CSNK1G3: variants seen among roughly 807,000 people sequenced by gnomAD.
The protein encoded by CSNK1G3 is casein kinase 1 gamma 3.
Under a neutral mutation model 64.3 loss-of-function variants are expected in CSNK1G3, and 23 were observed. The ratio of observed to expected loss-of-function variants is 0.36; its 90% CI spans 0.26 to 0.51. CSNK1G3 has a LOEUF of 0.51. CSNK1G3 is among the 20% of genes least tolerant of loss of function. The pLI is 0.96. For missense variants in CSNK1G3, 357 were observed against 510.5 expected (o/e 0.70, Z 2.90); for synonymous variants, 158 against 162.2 (o/e 0.97, Z 0.20).
chr5:123,559,371 G>C (rs748294553), intron 4 of CSNK1G3, among the ~76,000 whole-genome samples: 4 of 152,142 alleles, frequency 2.6e-5, no homozygotes, highest in Non-Finnish European at 1.5e-5. Flanking sequence ...TCATTGAATT[G>C]AGTAACAAAG....
At chr5:123,592,689 A>C (rs1792611433) in intron 10 of CSNK1G3, among the ~76,000 whole-genome samples, 3 of 151,926 alleles carry the variant, frequency 2.0e-5, no homozygotes, top group African/African-American at 7.2e-5. Flanking sequence ...CTTGTTAAAA[A>C]TCATAGCAAA....
chr5:123,600,564 G>A (rs1380580324), intron 10 of CSNK1G3, among the ~76,000 whole-genome samples: 2 of 151,042 alleles, frequency 1.3e-5, no homozygotes, highest in African/African-American at 2.4e-5. Flanking sequence ...GGTGGAGGTT[G>A]CAATGAGCCA....
intron 1 of CSNK1G3, among the ~76,000 whole-genome samples, chr5:123,534,167 C>A (rs919604660): frequency 6.6e-6 from 1 of 152,002 alleles, no homozygotes; most frequent in Admixed American, 6.6e-5. Flanking sequence ...TCAAATACGA[C>A]AGGCAATTAT....
intron 10 of CSNK1G3, among the ~76,000 whole-genome samples, chr5:123,599,518 A>G (rs925869703): frequency 6.6e-6 from 1 of 152,252 alleles, no homozygotes; most frequent in African/African-American, 2.4e-5. Context: ...TAATAAATGT[A>G]TCTTGAGATG....
At chr5:123,606,082 C>G (rs1278220219) in intron 12 of CSNK1G3, among the ~76,000 whole-genome samples, 2 of 151,980 alleles carry the variant, frequency 1.3e-5, no homozygotes, top group Non-Finnish European at 2.9e-5. Flanking sequence ...TTACTCATAT[C>G]TAAAGGCACC....
At chr5:123,582,676 G>A (rs1355685262) in intron 6 of CSNK1G3, among the ~76,000 whole-genome samples, 1 of 152,060 alleles carries the variant, frequency 6.6e-6, no homozygotes, top group South Asian at 2.1e-4. Flanking sequence ...TGGCCTTGTG[G>A]AAAAACATTC....
rs1468678539 is a variant in CSNK1G3 at position 123,553,693 on chromosome 5, A to G, written c.219+546A>G. Among the ~76,000 whole-genome samples the G allele has an allele frequency of 5.3e-5, 8 of 152,224 alleles. No homozygotes were observed. In the South Asian group the frequency reaches 6.2e-4, roughly 12 times the overall value. The stretch of plus-strand genomic sequence containing the variant: ...CCCGTGGAATTATTCTGAAGTTTTC[A>G]ATGTGCCCAGTATGACAGCTGCAGA... On this transcript the variant is annotated intron_variant, in intron 3 of 12. Transcript: ENST00000345990.
At chr5:123,565,637 A>C (rs556402906) in intron 4 of CSNK1G3, among the ~76,000 whole-genome samples, 1 of 152,192 alleles carries the variant, frequency 6.6e-6, no homozygotes, top group Non-Finnish European at 1.5e-5. Flanking sequence ...GTAATTTATA[A>C]GAAAAGAGGT....
chr5:123,575,971 T>A lies in CSNK1G3; in HGVS notation c.673+8T>A, dbSNP rs747517997. The A allele has an allele frequency of 6.4e-7, 1 of 1,566,998 alleles. No individual in the cohort carries two copies. Among genetic ancestry groups the A allele is most frequent in the South Asian group, 1.1e-5 (1 of 89,302 alleles). The stretch of plus-strand genomic sequence containing the variant: ...ACACACATTTAGGAAAAGGTATGTG[T>A]ACCTTTCGTAAGTATGGAAGTTTGA... On this transcript the variant is annotated splice_region_variant and intron_variant, in intron 6 of 12. Transcript: ENST00000345990.
At chr5:123,529,999 T>C (rs1779672677) in intron 1 of CSNK1G3, among the ~76,000 whole-genome samples, 1 of 151,688 alleles carries the variant, frequency 6.6e-6, no homozygotes, top group South Asian at 2.1e-4. Context: ...TAGCCTCGTG[T>C]AGTGGCATGC....
chr5:123,582,798 C>G (rs1241755115), intron 6 of CSNK1G3, among the ~76,000 whole-genome samples: 18 of 152,024 alleles, frequency 1.2e-4, no homozygotes, highest in Non-Finnish European at 2.6e-4. Flanking sequence ...GTTAAAGACC[C>G]TAGGGGGTGT....
Position 123,591,489 on chromosome 5 carries a change from C to T in CSNK1G3, c.1086+75C>T, listed in dbSNP as rs1471728700. ...ACACTTTTTTCTTCAATAGATAAAA[C>T]AGACTGAAGGATTGAAAATACATAT... On this transcript the variant is annotated intron_variant, in intron 10 of 12. Transcript: ENST00000345990. The T allele has an allele frequency of 6.2e-6, 5 of 809,120 alleles. No individual in the cohort carries two copies. The South Asian group carries it at 7.8e-5, about 13-fold the overall frequency. 50.1% of individuals were successfully genotyped at this position (809,120 alleles called of 1,614,324 possible). A position where few individuals can be genotyped will look rare whatever the true frequency, so the allele number is the denominator to read the frequency against.
At chr5:123,613,169 A>G (rs992082221) in intron 12 of CSNK1G3, among the ~76,000 whole-genome samples, 2 of 151,220 alleles carry the variant, frequency 1.3e-5, no homozygotes, top group African/African-American at 4.9e-5. Flanking sequence ...TTTAAGATAG[A>G]TGTGTATTTA....
At chr5:123,579,442 G>A (rs370389139) in intron 6 of CSNK1G3, among the ~76,000 whole-genome samples, 1 of 151,482 alleles carries the variant, frequency 6.6e-6, no homozygotes, top group East Asian at 1.9e-4. Flanking sequence ...ACAACTTTTG[G>A]GGTTGTGACT....
In CSNK1G3 at chr5:123,567,584, C is replaced by T. The variant is rs138723421; in HGVS notation, c.290-5809C>T. Among the ~76,000 whole-genome samples the T allele has an allele frequency of 9.4e-3, 1,435 of 152,018 alleles. 28 individuals are homozygous for T. The highest frequency in any genetic ancestry group is 0.033 in the African/African-American group (1,353 of 41,456). On this transcript the variant is annotated intron_variant, in intron 4 of 12. Coordinates refer to ENST00000345990, the Ensembl canonical transcript of CSNK1G3. The stretch of plus-strand genomic sequence containing the variant: ...TCGCACAACTGTATTCCAGCCTGGG[C>T]AATAGAGTGAGACTCCATTTTAAAA...
rs1438200294 is a variant in CSNK1G3, at chr5:123,512,255, C to A, written c.-563C>A. On this transcript the variant is annotated 5_prime_UTR_variant, in exon 1 of 13. In the 5' UTR this introduces an upstream ATG that the reference lacks. Coordinates refer to ENST00000345990, the Ensembl canonical transcript of CSNK1G3. ...GTTTGACCTCCGGATAAGCGAGGCG[C>A]TGCTGTGCATTCATTCCGGGCTGCA... is the stretch of plus-strand genomic sequence containing the variant. 6.6e-6 allele frequency: 1 copy of A among 152,244 alleles called. No individual in the cohort carries two copies. Among genetic ancestry groups the A allele is most frequent in the Non-Finnish European group, 1.5e-5 (1 of 68,060 alleles). 9.4% of individuals were successfully genotyped at this position (152,244 alleles called of 1,614,324 possible).
rs542286790 is a variant in CSNK1G3 at position 123,591,511 on chromosome 5, A to G, written c.1086+97A>G. 3.1e-4 allele frequency: 183 copies of G among 589,482 alleles called. No individual in the cohort carries two copies. In the African/African-American group the frequency reaches 3.3e-3, roughly 11 times the overall value. The allele number at this position is 589,482 out of a possible 1,614,324, so 36.5% of individuals were successfully genotyped here. On this transcript the variant is annotated intron_variant, in intron 10 of 12. Coordinates refer to ENST00000345990, the Ensembl canonical transcript of CSNK1G3. ...AAACAGACTGAAGGATTGAAAATACATATTTTTAATAGATAATCTATTTTC... is the reference window on the plus strand; with the variant it reads ...AAACAGACTGAAGGATTGAAAATACGTATTTTTAATAGATAATCTATTTTC...
At chr5:123,591,380 A>G in exon 10 of CSNK1G3, 1 of 1,610,318 alleles carries the variant, frequency 6.2e-7, no homozygotes, top group Non-Finnish European at 8.5e-7. Flanking sequence ...GAAGCACATC[A>G]ACACAGAGAT....
At chr5:123,533,801 CA>C (rs1780358822) in intron 1 of CSNK1G3, among the ~76,000 whole-genome samples, 1 of 151,464 alleles carries the variant, frequency 6.6e-6, no homozygotes, top group African/African-American at 2.4e-5. Context: ...CTGCTTCCCC[CA>C]GAGGTTTTTT....
Sources: allele counts gnomAD v4.1 joint callset (sites outside exome capture counted in the v4.1 genomes callset), GRCh38; gene constraint gnomAD v4.1.1; transcripts MANE v1.5; gene names NCBI Gene and HGNC (gene_info 2026-07-23, HGNC 2026-07-21).